Variants in NEBL observed in about 807,000 individuals in gnomAD.
NEBL encodes nebulette.
In NEBL, 122 loss-of-function variants were observed where a neutral mutation model predicts 140.2. The observed-to-expected ratio is 0.87, with a 90% confidence interval of 0.75 to 1.01. The LOEUF is 1.01. NEBL is among the 50% of genes least tolerant of loss of function. The probability of loss-of-function intolerance (pLI) is 0.00; values close to 1 mark genes in which losing one functional copy is unlikely to be tolerated. For synonymous variants in NEBL, 436 were observed against 398.9 expected (o/e 1.09, Z -1.11); for missense variants, 1,365 against 1,231.3 (o/e 1.11, Z -1.62).
chr10:20,961,867 A>C lies in NEBL; in HGVS notation c.250-88T>G, dbSNP rs899575091. On this transcript the variant is annotated intron_variant, in intron 3 of 6. Coordinates refer to the NEBL transcript ENST00000417816. ...GGGCCAACGAAGCTGCTGGAATTGG[A>C]AACAATGGCTAAAAACACAGATCTC... 39 of 956,284 alleles carry C rather than the reference A, an allele frequency of 4.1e-5. No individual in the cohort carries two copies. The South Asian group carries it at 4.3e-4, about 11-fold the overall frequency. 59.2% of individuals were successfully genotyped at this position (956,284 alleles called of 1,614,324 possible). A position where few individuals can be genotyped will look rare whatever the true frequency, so the allele number is the denominator to read the frequency against.
intron 1 of NEBL, among the ~76,000 whole-genome samples, chr10:21,285,988 G>A (rs947347732): frequency 3.9e-5 from 6 of 152,142 alleles, no homozygotes; most frequent in African/African-American, 1.4e-4. Context: ...CATTCCATGC[G>A]GGGCTCAGAC....
chr10:21,063,479 CTT>C (rs1835391586), intron 2 of NEBL, among the ~76,000 whole-genome samples: 1 of 152,220 alleles, frequency 6.6e-6, no homozygotes, highest in South Asian at 2.1e-4. Context: ...TGAAATCCCT[CTT>C]TAATGAAATC....
chr10:20,801,577 C>T (rs776594584), intron 26 of NEBL, among the ~76,000 whole-genome samples: 19 of 152,092 alleles, frequency 1.2e-4, no homozygotes, highest in Non-Finnish European at 2.5e-4. Flanking sequence ...AACTGGTTCA[C>T]CTAACAGAAT....
At chr10:20,787,370 C>T (rs750917437) in intron 26 of NEBL, 62 bp from the exon 27 acceptor site, 6 of 1,315,640 alleles carry the variant, frequency 4.6e-6, no homozygotes, top group Non-Finnish European at 6.5e-6. Context: ...ATACCCATCC[C>T]AAACCCTCAG....
intron 2 of NEBL, chr10:21,070,123 G>C (rs1047181345): frequency 1.3e-5 from 5 of 382,268 alleles, no homozygotes; most frequent in Non-Finnish European, 2.6e-5. Flanking sequence ...CTTTTCGGGA[G>C]GCAAAATAGC....
intron 3 of NEBL, among the ~76,000 whole-genome samples, chr10:20,982,913 T>C (rs1347810606): frequency 6.6e-6 from 1 of 152,206 alleles, no homozygotes; most frequent in Non-Finnish European, 1.5e-5. Flanking sequence ...ACTTAGTATT[T>C]AAATTGATCA....
At chr10:20,809,755 A>G (rs1792974161) in intron 25 of NEBL, 51 bp downstream of exon 25, 1 of 1,366,364 alleles carries the variant, frequency 7.3e-7, no homozygotes, top group African/African-American at 1.4e-5. Context: ...ACAGTGGTTC[A>G]CTTTTGGGAC....
intron 1 of NEBL, among the ~76,000 whole-genome samples, chr10:21,269,422 T>C (rs1842835007): frequency 6.6e-6 from 1 of 152,242 alleles, no homozygotes; most frequent in African/African-American, 2.4e-5. Flanking sequence ...TTTGGGCTTC[T>C]TGGGAAATAG....
intron 2 of NEBL, chr10:21,110,574 T>C: frequency 4.9e-6 from 1 of 205,538 alleles, no homozygotes; most frequent in Non-Finnish European, 1.0e-5. Context: ...TTTCATACTC[T>C]CAAATAACTA....
In NEBL at chr10:20,869,127, T is replaced by C. The variant is rs147244633; in HGVS notation, c.583-362A>G. 5.9e-5 allele frequency among the ~76,000 whole-genome samples: 9 copies of C among 152,342 alleles called. No individual in the cohort carries two copies. In the East Asian group the frequency reaches 1.7e-3, roughly 29 times the overall value. ...AGTTTCGTTTATTCTCAGGAACTGT[T>C]CTGGCCATACTTGATTGACATGCAG... On this transcript the variant is annotated intron_variant, in intron 6 of 27. Transcript: ENST00000377122.
At chr10:21,257,884 C>T (rs1842681049) in intron 1 of NEBL, among the ~76,000 whole-genome samples, 1 of 149,110 alleles carries the variant, frequency 6.7e-6, no homozygotes, top group Non-Finnish European at 1.5e-5. Context: ...GACTCCATCT[C>T]ACACACACAC....
At chr10:20,809,948 A>G (rs1564343376) in intron 24 of NEBL, 50 bp from the exon 25 acceptor site, 13 of 1,072,944 alleles carry the variant, frequency 1.2e-5, no homozygotes, top group Non-Finnish European at 1.8e-5. Flanking sequence ...AATTTAAAAA[A>G]GGAAAAAAAA....
Position 20,785,531 on chromosome 10 carries a change from A to C in NEBL, c.*216T>G. On this transcript the variant is annotated 3_prime_UTR_variant, in exon 28 of 28. Coordinates refer to ENST00000377122, the MANE Select transcript of NEBL (RefSeq NM_006393.3). ...ACACAATTAGCAGCACCAGGTGTCC[A>C]GACACAAAGATTTTTGTTTGTAGGA... 2 of 596,036 alleles carry C rather than the reference A, an allele frequency of 3.4e-6. No individual in the cohort carries two copies. The highest frequency in any genetic ancestry group is 5.9e-6 in the Non-Finnish European group (2 of 338,368). 36.9% of individuals were successfully genotyped at this position (596,036 alleles called of 1,614,324 possible).
chr10:21,100,978 CG>C (rs1290305502), intron 2 of NEBL, among the ~76,000 whole-genome samples: 1 of 152,124 alleles, frequency 6.6e-6, no homozygotes, highest in African/African-American at 2.4e-5. Context: ...CGACCTTTCA[CG>C]GGAACATTTT....
intron 7 of NEBL, among the ~76,000 whole-genome samples, chr10:20,863,120 T>C (rs913725047): frequency 6.6e-6 from 1 of 152,176 alleles, no homozygotes; most frequent in Non-Finnish European, 1.5e-5. Flanking sequence ...TAAGCTACAG[T>C]GACGGCATTG....
At chr10:21,075,300 G>C (rs1036862896) in intron 2 of NEBL, among the ~76,000 whole-genome samples, 7 of 152,172 alleles carry the variant, frequency 4.6e-5, no homozygotes, top group Non-Finnish European at 1.0e-4. Context: ...AAGCCCAGTA[G>C]TTTCTTTGCT....
intron 2 of NEBL, among the ~76,000 whole-genome samples, chr10:21,093,527 T>C (rs1200359194): frequency 7.2e-5 from 11 of 152,182 alleles, no homozygotes; most frequent in Admixed American, 6.5e-4. Context: ...TTGTGTAAAC[T>C]GAATGCCATC....
At chr10:21,180,749 C>A (rs1202558708) in intron 3 of NEBL, among the ~76,000 whole-genome samples, 1 of 152,126 alleles carries the variant, frequency 6.6e-6, no homozygotes, top group African/African-American at 2.4e-5. Context: ...TGAATCATCC[C>A]CACACCCAGA....
At chr10:20,820,035 A>C (rs1839143259) in intron 19 of NEBL, among the ~76,000 whole-genome samples, 1 of 152,234 alleles carries the variant, frequency 6.6e-6, no homozygotes, top group Non-Finnish European at 1.5e-5. Flanking sequence ...ATTTCTTCAT[A>C]GCACTAAAGC....
Sources: allele counts gnomAD v4.1 joint callset (sites outside exome capture counted in the v4.1 genomes callset), GRCh38; gene constraint gnomAD v4.1.1; transcripts MANE v1.5; gene names NCBI Gene and HGNC (gene_info 2026-07-23, HGNC 2026-07-21).